Variants in PINLYP observed in about 807,000 individuals in gnomAD.
PINLYP encodes phospholipase A2 inhibitor and Ly6/PLAUR domain-containing protein.
PINLYP carries 12 observed loss-of-function variants against 15.8 expected under a neutral mutation model. That is an observed-to-expected ratio of 0.76 (90% CI 0.49 to 1.23). The LOEUF is 1.23. Ranked by LOEUF, PINLYP falls within the 50% of genes most tolerant of loss-of-function variation. The pLI is 0.00. For missense variants in PINLYP, 278 were observed against 264.2 expected (o/e 1.05, Z -0.36); for synonymous variants, 93 against 97.7 (o/e 0.95, Z 0.28).
intron 3 of PINLYP, among the ~76,000 whole-genome samples, chr19:43,579,835 G>A (rs1972908995): frequency 6.6e-6 from 1 of 151,938 alleles, no homozygotes; most frequent in African/African-American, 2.4e-5. Context: ...TTAGGAGATC[G>A]AGGCTGCAGC....
chr19:43,582,084 A>T, exon 6 of PINLYP: 1 of 1,460,370 alleles, frequency 6.8e-7, no homozygotes, highest in South Asian at 1.2e-5. Flanking sequence ...GCCTATAAAG[A>T]AGTTAATAGA....
intron 3 of PINLYP, among the ~76,000 whole-genome samples, chr19:43,579,679 G>A (rs1168914410): frequency 3.4e-5 from 5 of 148,066 alleles, no homozygotes; most frequent in Non-Finnish European, 6.0e-5. Flanking sequence ...TGGGAGGATC[G>A]TTTGAGCCCA....
intron 3 of PINLYP, 176 bp downstream of exon 3, chr19:43,578,882 G>A (rs779978666): frequency 1.7e-6 from 1 of 572,548 alleles, no homozygotes; most frequent in Non-Finnish European, 3.2e-6. Flanking sequence ...AGAAATAAGT[G>A]GTGTGATAGA....
chr19:43,582,087 T>C (rs765210674), exon 6 of PINLYP: 113 of 1,445,864 alleles, frequency 7.8e-5, no homozygotes, highest in Non-Finnish European at 1.0e-4. Context: ...TATAAAGAAG[T>C]TAATAGAGCA....
rs1568521740 is a variant in PINLYP at position 43,577,274 on chromosome 19, G to C, written c.70+13G>C. 2.6e-6 allele frequency: 4 copies of C among 1,535,044 alleles called. No individual in the cohort carries two copies. Among genetic ancestry groups the C allele is most frequent in the Non-Finnish European group, 3.5e-6 (4 of 1,146,434 alleles). On this transcript the variant is annotated intron_variant, in intron 2 of 5. Transcript: ENST00000599207. Reference sequence around the variant, plus strand: ...CTCCTGGGTCTTGGTAAGTGACAAGGGACCTGAACTGTCTCTGGGACCTCA... The same window carrying C: ...CTCCTGGGTCTTGGTAAGTGACAAGCGACCTGAACTGTCTCTGGGACCTCA...
At chr19:43,575,715 A>C, upstream of PINLYP, 1 of 388,772 alleles carries the variant, frequency 2.6e-6, no homozygotes, top group Non-Finnish European at 4.7e-6. Flanking sequence ...CCTCCGCCAC[A>C]CACAACCCCG....
In PINLYP at chr19:43,576,493, C is replaced by CAA. The variant is rs888180230; in HGVS notation, c.-503_-502insAA. 2.6e-5 allele frequency among the ~76,000 whole-genome samples: 4 copies of CAA among 152,084 alleles called. No homozygotes were observed. The highest frequency in any genetic ancestry group is 9.7e-5 in the African/African-American group (4 of 41,400). On this transcript the variant is annotated 5_prime_UTR_variant, in exon 1 of 6. An upstream open reading frame in the 5' UTR gains an earlier in-frame stop. Transcript: ENST00000599207. ...AACCCCCACCACACACACACACACA[C>CAA]ACCCCTATCCTGGAGTTCTTCCACA...
intron 4 of PINLYP, 27 bp from the exon 5 acceptor site, chr19:43,581,536 C>T (rs1286462745): frequency 5.9e-6 from 9 of 1,527,578 alleles, no homozygotes; most frequent in Non-Finnish European, 6.1e-6. Flanking sequence ...CATCCCTATT[C>T]ACCTTACACT....
chr19:43,576,981 T>C, intron 1 of PINLYP, 62 bp downstream of exon 1: 1 of 821,656 alleles, frequency 1.2e-6, no homozygotes, highest in Non-Finnish European at 1.8e-6. Context: ...AAGCCCAGAC[T>C]CCTGGGGTCT....
exon 2 of PINLYP, chr19:43,577,222 C>T (rs1360622151): frequency 6.5e-7 from 1 of 1,536,020 alleles, no homozygotes; most frequent in African/African-American, 1.4e-5. Flanking sequence ...AGAGACCTTT[C>T]TGCTGGCCTT....
chr19:43,579,676 A>G (rs1972906825), intron 3 of PINLYP, among the ~76,000 whole-genome samples: 1 of 148,806 alleles, frequency 6.7e-6, no homozygotes, highest in Non-Finnish European at 1.5e-5. Context: ...AGGTGGGAGG[A>G]TCGTTTGAGC....
chr19:43,581,320 C>T, exon 4 of PINLYP: 3 of 1,536,972 alleles, frequency 2.0e-6, no homozygotes, highest in Non-Finnish European at 2.6e-6. Flanking sequence ...GTAACCAGCT[C>T]CTTCTGCTGC....
At chr19:43,581,408 G>T in intron 4 of PINLYP, 44 bp downstream of exon 4, 1 of 1,533,292 alleles carries the variant, frequency 6.5e-7, no homozygotes, top group South Asian at 1.2e-5. Context: ...GCTCTCCACT[G>T]ACCCTTGCTG....
chr19:43,582,087 T>A, exon 6 of PINLYP: 1 of 1,445,982 alleles, frequency 6.9e-7, no homozygotes, highest in Non-Finnish European at 9.3e-7. Flanking sequence ...TATAAAGAAG[T>A]TAATAGAGCA....
chr19:43,578,551 C>A (rs1972892201), intron 2 of PINLYP, 39 bp from the exon 3 acceptor site: 1 of 1,462,166 alleles, frequency 6.8e-7, no homozygotes, highest in South Asian at 1.2e-5. Flanking sequence ...AAGACCACAC[C>A]ACCCATGACT....
At position 43,578,881 on chromosome 19, in the gene PINLYP, T is replaced by C. The variant is rs1466921046; in HGVS notation, c.187+175T>C. The C allele has an allele frequency of 8.6e-6, 5 of 579,670 alleles. No individual in the cohort carries two copies. The South Asian group carries it at 9.5e-5, about 11-fold the overall frequency. The allele number at this position is 579,670 out of a possible 1,614,324, so 35.9% of individuals were successfully genotyped here. On this transcript the variant is annotated intron_variant, in intron 3 of 5. Coordinates refer to ENST00000599207, the Ensembl canonical transcript of PINLYP. ...ATGAGATGGAGGGAACAGAAATAAG[T>C]GGTGTGATAGAAATCATTATTGTCA...
At chr19:43,580,971 C>T in intron 3 of PINLYP, 2 of 449,090 alleles carry the variant, frequency 4.5e-6, no homozygotes, top group East Asian at 3.9e-5. Flanking sequence ...GGCATGGTGG[C>T]GGTCGCCTGT....
In PINLYP at chr19:43,578,473, A is replaced by T. The variant is rs950231389; in HGVS notation, c.71-117A>T. The T allele has an allele frequency of 1.3e-5, 9 of 691,326 alleles. No homozygotes were observed. In the African/African-American group the frequency reaches 1.4e-4, roughly 11 times the overall value. The allele number at this position is 691,326 out of a possible 1,614,324, so 42.8% of individuals were successfully genotyped here. A position where few individuals can be genotyped will look rare whatever the true frequency, so the allele number is the denominator to read the frequency against. ...GGCAGTGGTCAACATCCCGCCCATG[A>T]AAAACCAGGGAGCTGCTGGTCCCTC... is the stretch of plus-strand genomic sequence containing the variant. On this transcript the variant is annotated intron_variant, in intron 2 of 5. Transcript: ENST00000599207.
exon 4 of PINLYP, chr19:43,581,286 A>G: frequency 6.5e-7 from 1 of 1,536,988 alleles, no homozygotes; most frequent in Non-Finnish European, 8.7e-7. Flanking sequence ...TATATCCACC[A>G]CCATGGGCCC....
Sources: allele counts gnomAD v4.1 joint callset (sites outside exome capture counted in the v4.1 genomes callset), GRCh38; gene constraint gnomAD v4.1.1; transcripts MANE v1.5; gene names NCBI Gene and HGNC (gene_info 2026-07-23, HGNC 2026-07-21).